Variants in TMC7 observed in about 807,000 individuals in gnomAD.
TMC7 encodes transmembrane channel-like protein 7.
TMC7 carries 54 observed loss-of-function variants against 82.9 expected under a neutral mutation model. The observed-to-expected ratio is 0.65, with a 90% CI of 0.52 to 0.82. The LOEUF is 0.82. Ranked by LOEUF, TMC7 falls within the 40% of genes least tolerant of loss-of-function variation. The probability of loss-of-function intolerance (pLI) is 0.00; values close to 1 mark genes in which losing one functional copy is unlikely to be tolerated. For synonymous variants in TMC7, 350 were observed against 337.9 expected, an observed-to-expected ratio of 1.04 and a Z score of -0.39; for missense variants, 820 against 901.2, an observed-to-expected ratio of 0.91 and a Z score of 1.15.
At chr16:19,049,527 A>T in intron 12 of TMC7, 1 of 676,730 alleles carries the variant, frequency 1.5e-6, no homozygotes, top group Non-Finnish European at 1.8e-6. Context: ...TGATGCTTTC[A>T]CTTGAAAACA....
chr16:19,055,389 G>A (rs1478829906), intron 13 of TMC7, among the ~76,000 whole-genome samples: 7 of 151,564 alleles, frequency 4.6e-5, no homozygotes, highest in South Asian at 4.2e-4. Flanking sequence ...ATGGCATGTC[G>A]CTCTGTCGCC....
At chr16:19,029,616 C>T (rs1325955160) in intron 5 of TMC7, among the ~76,000 whole-genome samples, 1 of 151,820 alleles carries the variant, frequency 6.6e-6, no homozygotes, top group Admixed American at 6.6e-5. Flanking sequence ...CTCAAGTAAT[C>T]CTCCTGCCTC....
At chr16:19,015,030 C>G (rs1165721783) in intron 2 of TMC7, among the ~76,000 whole-genome samples, 1 of 151,896 alleles carries the variant, frequency 6.6e-6, no homozygotes, top group African/African-American at 2.4e-5. Flanking sequence ...ATGGCAACAT[C>G]TCGGCCCACT....
At chr16:19,059,716 CTGT>C in intron 15 of TMC7, 2 of 1,516,332 alleles carry the variant, frequency 1.3e-6, no homozygotes, top group Non-Finnish European at 1.8e-6. Flanking sequence ...TGGCTCATGC[CTGT>C]AATCCCAGCA....
chr16:19,033,682 C>A, intron 6 of TMC7: 1 of 152,208 alleles, frequency 6.6e-6, no homozygotes, highest in South Asian at 2.1e-4. Context: ...GAGACCCCAT[C>A]TCAAAAAGTA....
In TMC7 at chr16:19,037,888, A is replaced by G. The variant is rs778663379; in HGVS notation, c.1020A>G (p.Glu340=). The G allele has an allele frequency of 1.9e-6, 3 of 1,613,416 alleles. No individual in the cohort carries two copies. Among genetic ancestry groups the G allele is most frequent in the Non-Finnish European group, 2.5e-6 (3 of 1,179,844 alleles). Residue 340 remains glutamate, a synonymous_variant, in exon 8 of 16, where the codon GAA becomes GAG. Transcript: ENST00000304381. ...TTTATCTTCAGGCAGATCTGGAGGA[A>G]GAAAGAATGCGGCAGAAAATAGCAG... The part of the protein sequence containing the change: ...LRYELRADLE[E]ERMRQKIAER...
At chr16:19,050,652 C>G (rs1596793195) in intron 12 of TMC7, among the ~76,000 whole-genome samples, 3 of 151,954 alleles carry the variant, frequency 2.0e-5, no homozygotes, top group Admixed American at 2.0e-4. Flanking sequence ...CCATGGCTGG[C>G]TAATTTTTGT....
intron 5 of TMC7, among the ~76,000 whole-genome samples, chr16:19,027,689 G>A (rs933857643): frequency 1.3e-5 from 2 of 152,108 alleles, no homozygotes; most frequent in Non-Finnish European, 2.9e-5. Flanking sequence ...GCCTTTGGGA[G>A]AGTTGAAAGG....
At chr16:19,003,378 G>A (rs973161527) in intron 1 of TMC7, among the ~76,000 whole-genome samples, 10 of 150,554 alleles carry the variant, frequency 6.6e-5, no homozygotes, top group Admixed American at 3.3e-4. Context: ...CCCTCTGCCC[G>A]GCCAGCCGCC....
chr16:18,991,461 A>AC (rs1211265670), intron 1 of TMC7, among the ~76,000 whole-genome samples: 6 of 152,182 alleles, frequency 3.9e-5, no homozygotes, highest in African/African-American at 1.4e-4. Flanking sequence ...GGTAAAAACA[A>AC]CACTCTGCAT....
intron 6 of TMC7, among the ~76,000 whole-genome samples, chr16:19,033,141 C>G (rs1451013906): frequency 6.6e-6 from 1 of 152,122 alleles, no homozygotes; most frequent in East Asian, 1.9e-4. Flanking sequence ...TGCCAGTTCA[C>G]CTCTTTGAGC....
intron 15 of TMC7, among the ~76,000 whole-genome samples, chr16:19,060,789 A>ATT (rs11390744): frequency 0.046 from 6,387 of 137,660 alleles, 234 homozygotes; most frequent in South Asian, 0.13. Context: ...TCTACTGTGC[A>ATT]TTTTTTTTTT....
At chr16:19,006,803 G>T (rs887989664) in intron 1 of TMC7, among the ~76,000 whole-genome samples, 16 of 151,804 alleles carry the variant, frequency 1.1e-4, no homozygotes, top group Admixed American at 3.3e-4. Flanking sequence ...TGCCCCAGGG[G>T]TTTTTTTTGT....
intron 1 of TMC7, among the ~76,000 whole-genome samples, chr16:18,990,515 G>A (rs1208115809): frequency 1.3e-5 from 2 of 152,106 alleles, no homozygotes; most frequent in South Asian, 2.1e-4. Flanking sequence ...GGCTCGTCTC[G>A]AACTCCTGTC....
At chr16:18,995,347 G>A (rs934834888) in intron 1 of TMC7, among the ~76,000 whole-genome samples, 7 of 152,176 alleles carry the variant, frequency 4.6e-5, no homozygotes, top group Admixed American at 1.3e-4. Context: ...CAAAGCGTCC[G>A]TGATGGTCCG....
At chr16:18,997,616 C>T (rs533062342) in intron 1 of TMC7, among the ~76,000 whole-genome samples, 8 of 152,118 alleles carry the variant, frequency 5.3e-5, no homozygotes, top group Non-Finnish European at 1.0e-4. Flanking sequence ...GTGATCCAGC[C>T]ACCTCTGGCC....
At chr16:19,018,171 T>C (rs904124256) in intron 3 of TMC7, among the ~76,000 whole-genome samples, 6 of 152,208 alleles carry the variant, frequency 3.9e-5, no homozygotes, top group Admixed American at 3.3e-4. Flanking sequence ...ACAGAAAGCC[T>C]TATTATCCTG....
Position 19,038,113 on chromosome 16 carries a change from C to T in TMC7, c.1179+66C>T. On this transcript the variant is annotated intron_variant, in intron 8 of 15. Transcript: ENST00000304381. The stretch of plus-strand genomic sequence containing the variant: ...CACTGAAAATCTGTGAGGTAGATAC[C>T]ATCGTCATTTCTGTTTTACATATGG... 4 of 1,464,214 alleles carry T rather than the reference C, an allele frequency of 2.7e-6. No homozygotes were observed. The South Asian group carries it at 5.2e-5, about 19-fold the overall frequency. 90.7% of individuals were successfully genotyped at this position (1,464,214 alleles called of 1,614,324 possible). A position where few individuals can be genotyped will look rare whatever the true frequency, so the allele number is the denominator to read the frequency against.
intron 12 of TMC7, among the ~76,000 whole-genome samples, chr16:19,049,855 C>T (rs1285007939): frequency 6.6e-6 from 1 of 152,176 alleles, no homozygotes; most frequent in African/African-American, 2.4e-5. Flanking sequence ...GCTTTTTAAA[C>T]TATTGAGAAA....
Sources: gnomAD v4.1 joint callset for allele counts (sites outside exome capture counted in the v4.1 genomes callset) on GRCh38, gnomAD v4.1.1 for gene constraint, MANE v1.5 for transcripts, NCBI Gene and HGNC (gene_info 2026-07-23, HGNC 2026-07-21) for gene names.